The following CTNNA2 variants were observed in gnomAD, a reference collection of about 807,000 sequenced individuals.
CTNNA2 encodes the protein catenin alpha-2.
In CTNNA2, 42 loss-of-function variants were observed where a neutral mutation model predicts 101.0. The observed-to-expected ratio is 0.42, with a 90% CI of 0.32 to 0.54. CTNNA2 has a LOEUF of 0.54. Among genes scored for constraint, CTNNA2 ranks in the 20% least tolerant of loss-of-function variants. CTNNA2 has a pLI of 0.14. For missense variants in CTNNA2, 871 were observed against 1,223.1 expected (o/e 0.71, Z 4.29); for synonymous variants, 450 against 456.4 (o/e 0.99, Z 0.18).
intron 7 of CTNNA2, among the ~76,000 whole-genome samples, chr2:80,097,572 G>T (rs1056287466): frequency 6.6e-6 from 1 of 152,132 alleles, no homozygotes; most frequent in Non-Finnish European, 1.5e-5. Context: ...GATTGGAGAA[G>T]TTCTCCTGGA....
chr2:79,672,960 G>A (rs998334465), intron 2 of CTNNA2, among the ~76,000 whole-genome samples: 3 of 151,812 alleles, frequency 2.0e-5, no homozygotes, highest in Admixed American at 6.6e-5. Flanking sequence ...TGCCTGCCTC[G>A]GCCTCCCAAA....
chr2:80,262,653 A>G (rs1419316050), intron 7 of CTNNA2, among the ~76,000 whole-genome samples: 2 of 152,064 alleles, frequency 1.3e-5, no homozygotes, highest in Non-Finnish European at 2.9e-5. Context: ...CCGGGGTCCT[A>G]TGGCCTTGGG....
chr2:80,205,001 A>C (rs1458233157), intron 7 of CTNNA2, among the ~76,000 whole-genome samples: 1 of 152,032 alleles, frequency 6.6e-6, no homozygotes, highest in Non-Finnish European at 1.5e-5. Context: ...AGACAAATTC[A>C]CTCTGACAAG....
intron 7 of CTNNA2, among the ~76,000 whole-genome samples, chr2:80,151,506 A>C (rs993970792): frequency 6.6e-6 from 1 of 152,178 alleles, no homozygotes; most frequent in African/African-American, 2.4e-5. Context: ...CAGCACTTTC[A>C]GGACTCTAAT....
rs137896587 is a variant in CTNNA2, at chr2:79,334,566, T to C, written c.-318+21770T>C. Among the ~76,000 whole-genome samples, 805 of 151,760 alleles carry C rather than the reference T, an allele frequency of 5.3e-3. 7 individuals carry two copies. The highest frequency in any genetic ancestry group is 0.019 in the African/African-American group (777 of 41,364). ...CAAATTTAAGAAGAGTTTGAGCTAA[T>C]ACAATATTGTGTAATTCACAAAGTA... On this transcript the variant is annotated intron_variant, in intron 3 of 21. Coordinates refer to the CTNNA2 transcript ENST00000466387.
chr2:79,292,336 C>T (rs1401781266), intron 2 of CTNNA2, among the ~76,000 whole-genome samples: 3 of 152,172 alleles, frequency 2.0e-5, no homozygotes, highest in Non-Finnish European at 4.4e-5. Flanking sequence ...ATTTTCTATG[C>T]TGAATGCCAT....
At chr2:80,142,201 C>A (rs1359816742) in intron 7 of CTNNA2, among the ~76,000 whole-genome samples, 2 of 152,186 alleles carry the variant, frequency 1.3e-5, no homozygotes, top group East Asian at 3.9e-4. Flanking sequence ...GCCTATCCTT[C>A]ATGTATTTGA....
chr2:79,963,167 G>C (rs1689781192), intron 7 of CTNNA2, among the ~76,000 whole-genome samples: 1 of 151,500 alleles, frequency 6.6e-6, no homozygotes, highest in South Asian at 2.1e-4. Flanking sequence ...ATATCTGATA[G>C]GGTCCAATTT....
In CTNNA2 at chr2:79,287,957, G is replaced by GT. The variant is rs1170357739; in HGVS notation, c.-405-24746dup. 2.6e-5 allele frequency among the ~76,000 whole-genome samples: 4 copies of GT among 152,238 alleles called. No individual in the cohort carries two copies. In the East Asian group the frequency reaches 7.7e-4, roughly 29 times the overall value. ...GCGGGATATAATCTCCTGATGCGCTGTTTTTTAAGCCGGTCGGAAAAGCGC... is the reference window on the plus strand; with the variant it reads ...GCGGGATATAATCTCCTGATGCGCTGTTTTTTTAAGCCGGTCGGAAAAGCGC... On this transcript the variant is annotated intron_variant, in intron 2 of 21. Coordinates refer to the CTNNA2 transcript ENST00000466387.
At chr2:80,164,575 T>C (rs1370119406) in intron 7 of CTNNA2, among the ~76,000 whole-genome samples, 1 of 152,030 alleles carries the variant, frequency 6.6e-6, no homozygotes, top group Non-Finnish European at 1.5e-5. Flanking sequence ...AGAAGGTAGG[T>C]ATTTTGTATT....
intron 12 of CTNNA2, among the ~76,000 whole-genome samples, chr2:80,557,747 G>C (rs1167208041): frequency 1.3e-5 from 2 of 152,010 alleles, no homozygotes; most frequent in Admixed American, 1.3e-4. Flanking sequence ...CCACTTACTA[G>C]GTCAAAATCT....
chr2:80,205,574 C>G (rs7581679), intron 7 of CTNNA2, among the ~76,000 whole-genome samples: 1 of 152,172 alleles, frequency 6.6e-6, no homozygotes, highest in Non-Finnish European at 1.5e-5. Context: ...TCTTCTTTAG[C>G]AGGAATATAT....
intron 1 of CTNNA2, among the ~76,000 whole-genome samples, chr2:79,539,772 A>G (rs765214817): frequency 3.9e-5 from 6 of 152,098 alleles, no homozygotes; most frequent in Admixed American, 6.5e-5. Flanking sequence ...CTTCCACATC[A>G]ATAAATGAGG....
intron 15 of CTNNA2, among the ~76,000 whole-genome samples, chr2:80,593,688 T>A (rs967134638): frequency 6.6e-6 from 1 of 152,196 alleles, no homozygotes; most frequent in Non-Finnish European, 1.5e-5. Flanking sequence ...TGAATTTGAC[T>A]AATACAGGTA....
intron 3 of CTNNA2, among the ~76,000 whole-genome samples, chr2:79,776,700 T>C (rs947929518): frequency 2.0e-5 from 3 of 152,250 alleles, no homozygotes; most frequent in Non-Finnish European, 2.9e-5. Flanking sequence ...TGTAATGATA[T>C]TATATATTCT....
intron 7 of CTNNA2, among the ~76,000 whole-genome samples, chr2:80,096,375 T>G (rs968673871): frequency 6.2e-4 from 95 of 152,112 alleles, no homozygotes; most frequent in African/African-American, 2.0e-3. Flanking sequence ...GAGAGAGTTT[T>G]TTATAATTTC....
At chr2:80,270,815 T>C (rs1673401806) in intron 7 of CTNNA2, among the ~76,000 whole-genome samples, 1 of 151,970 alleles carries the variant, frequency 6.6e-6, no homozygotes, top group Admixed American at 6.6e-5. Context: ...TTTGGAGAGG[T>C]TATTTACAAT....
At chr2:79,734,096 A>G (rs1464847864) in intron 2 of CTNNA2, among the ~76,000 whole-genome samples, 2 of 152,136 alleles carry the variant, frequency 1.3e-5, no homozygotes, top group Non-Finnish European at 2.9e-5. Context: ...ATTTCTAGGG[A>G]CATTCCAAAC....
rs959397925 is a variant in CTNNA2, at chr2:80,109,333, C to T, written c.1056+199536C>T. On this transcript the variant is annotated intron_variant, in intron 7 of 18. Transcript: ENST00000402739. Reference sequence around the variant, plus strand: ...AACATTAGCCAGGCATGGTGGAGAGCGCCTGTAGTCCCAGCTACTTGGGAG... The same window carrying T: ...AACATTAGCCAGGCATGGTGGAGAGTGCCTGTAGTCCCAGCTACTTGGGAG... Among the ~76,000 whole-genome samples, 14 of 152,048 alleles carry T rather than the reference C, an allele frequency of 9.2e-5. 1 individual carries two copies. The highest frequency in any genetic ancestry group is 4.1e-4 in the South Asian group (2 of 4,824).
Sources: allele counts gnomAD v4.1 joint callset (sites outside exome capture counted in the v4.1 genomes callset), GRCh38; gene constraint gnomAD v4.1.1; transcripts MANE v1.5; gene names NCBI Gene and HGNC (gene_info 2026-07-23, HGNC 2026-07-21).